ACOXL: variants seen among roughly 807,000 people sequenced by gnomAD.
The protein encoded by ACOXL is acyl-CoA oxidase like.
ACOXL carries 70 observed loss-of-function variants against 71.9 expected under a neutral mutation model. The ratio of observed to expected loss-of-function variants is 0.97; its 90% CI spans 0.80 to 1.19. ACOXL has a LOEUF of 1.19. Ranked by LOEUF, ACOXL falls within the 50% of genes most tolerant of loss-of-function variation. The pLI is 0.00. For missense variants in ACOXL, 703 were observed against 736.3 expected, an observed-to-expected ratio of 0.95 and a Z score of 0.52; for synonymous variants, 253 against 281.6, an observed-to-expected ratio of 0.90 and a Z score of 1.02.
chr2:110,846,792 G>A (rs1691941412), intron 10 of ACOXL, among the ~76,000 whole-genome samples: 1 of 151,802 alleles, frequency 6.6e-6, no homozygotes, highest in Admixed American at 6.6e-5. Context: ...TGTGTTGGGG[G>A]GGGTGTATGT....
At chr2:110,771,835 C>T (rs1003726463) in intron 2 of ACOXL, among the ~76,000 whole-genome samples, 2 of 152,194 alleles carry the variant, frequency 1.3e-5, no homozygotes, top group Non-Finnish European at 2.9e-5. Flanking sequence ...GGGGGAGTCA[C>T]CAACTGCCTC....
At chr2:111,012,309 G>A (rs965800165) in intron 14 of ACOXL, among the ~76,000 whole-genome samples, 7 of 152,182 alleles carry the variant, frequency 4.6e-5, no homozygotes, top group South Asian at 4.1e-4. Flanking sequence ...TAGACATAAC[G>A]TTATTGCACA....
intron 1 of ACOXL, among the ~76,000 whole-genome samples, chr2:110,767,569 C>T (rs1681254562): frequency 6.6e-6 from 1 of 152,160 alleles, no homozygotes; most frequent in Admixed American, 6.5e-5. Flanking sequence ...GATGAGCAGC[C>T]TCATGGTGAA....
At chr2:110,919,413 G>A (rs1237290192) in intron 11 of ACOXL, among the ~76,000 whole-genome samples, 1 of 151,742 alleles carries the variant, frequency 6.6e-6, no homozygotes, top group East Asian at 1.9e-4. Context: ...TTAGGGGGTG[G>A]GGGGGCAAGG....
chr2:110,770,118 AG>A (rs1023479345), intron 2 of ACOXL, among the ~76,000 whole-genome samples: 2 of 152,250 alleles, frequency 1.3e-5, no homozygotes, highest in Admixed American at 6.5e-5. Context: ...AGCCTGAACT[AG>A]GGTAGCTGCA....
At chr2:110,851,543 A>G (rs1692598583) in intron 10 of ACOXL, among the ~76,000 whole-genome samples, 1 of 152,198 alleles carries the variant, frequency 6.6e-6, no homozygotes, top group African/African-American at 2.4e-5. Context: ...TTCCACGACA[A>G]CACAGGTGCA....
At chr2:110,789,244 G>A (rs1684372306) in intron 3 of ACOXL, among the ~76,000 whole-genome samples, 1 of 152,192 alleles carries the variant, frequency 6.6e-6, no homozygotes, top group Non-Finnish European at 1.5e-5. Context: ...TAGCTTGTGA[G>A]CCAGCCCAAG....
intron 12 of ACOXL, among the ~76,000 whole-genome samples, chr2:110,986,858 A>C (rs12993549): frequency 0.39 from 59,267 of 151,912 alleles, 13,075 homozygotes; most frequent in African/African-American, 0.6. Context: ...TTAGAGACTG[A>C]TACAGGCAAG....
chr2:110,996,320 A>C (rs1382980704), intron 14 of ACOXL, among the ~76,000 whole-genome samples: 1 of 152,196 alleles, frequency 6.6e-6, no homozygotes, highest in Non-Finnish European at 1.5e-5. Context: ...GTGTATAAAG[A>C]GTACATCGTT....
chr2:111,007,732 T>C (rs1029607495), intron 14 of ACOXL, among the ~76,000 whole-genome samples: 1 of 152,220 alleles, frequency 6.6e-6, no homozygotes, highest in East Asian at 1.9e-4. Flanking sequence ...GTGTGCTCAT[T>C]GCTACTGAGT....
At chr2:110,919,353 C>T (rs993499652) in intron 11 of ACOXL, among the ~76,000 whole-genome samples, 1 of 121,244 alleles carries the variant, frequency 8.2e-6, no homozygotes, top group African/African-American at 3.1e-5. Flanking sequence ...GGGAGCTGAA[C>T]AATGAGAACA....
chr2:110,946,212 T>C (rs1413189261), intron 12 of ACOXL, among the ~76,000 whole-genome samples: 2 of 152,270 alleles, frequency 1.3e-5, no homozygotes, highest in African/African-American at 4.8e-5. Flanking sequence ...TAGATGCTAC[T>C]GATTTTTGTA....
intron 16 of ACOXL, among the ~76,000 whole-genome samples, chr2:111,075,227 CTTTTT>C (rs35457196): frequency 6.6e-6 from 1 of 151,630 alleles, no homozygotes; most frequent in African/African-American, 2.4e-5. Flanking sequence ...CTAGAGATTT[CTTTTT>C]TTTACAATCT....
intron 12 of ACOXL, among the ~76,000 whole-genome samples, chr2:110,978,726 C>A (rs142798964): frequency 5.9e-5 from 9 of 152,044 alleles, no homozygotes; most frequent in African/African-American, 1.4e-4. Flanking sequence ...CATTATAATT[C>A]GAAACAAATC....
At chr2:111,057,784 C>G (rs527481608) in intron 16 of ACOXL, among the ~76,000 whole-genome samples, 1 of 152,346 alleles carries the variant, frequency 6.6e-6, no homozygotes, top group South Asian at 2.1e-4. Context: ...AGCATATGAG[C>G]GCACAGATGG....
chr2:110,984,266 T>C (rs571044206), intron 12 of ACOXL, among the ~76,000 whole-genome samples: 56 of 152,228 alleles, frequency 3.7e-4, no homozygotes, highest in African/African-American at 1.3e-3. Flanking sequence ...ATTATATATA[T>C]ACACACACAC....
In ACOXL at chr2:110,760,208, C is replaced by T. The variant is rs187849886; in HGVS notation, c.-22-8160C>T. Among the ~76,000 whole-genome samples, 1,015 of 150,784 alleles carry T rather than the reference C, an allele frequency of 6.7e-3. 7 individuals carry two copies. The highest frequency in any genetic ancestry group is 7.8e-3 in the Non-Finnish European group (529 of 67,782). Reference sequence around the variant, plus strand: ...AGGCTGGAGTGCAGTGGTGCAATCTCGGCTCACTGCAAGCTCCACCTCTTG... The same window carrying T: ...AGGCTGGAGTGCAGTGGTGCAATCTTGGCTCACTGCAAGCTCCACCTCTTG... On this transcript the variant is annotated intron_variant, in intron 1 of 17. Coordinates refer to ENST00000439055, the MANE Select transcript of ACOXL (RefSeq NM_001142807.4).
intron 9 of ACOXL, among the ~76,000 whole-genome samples, chr2:110,824,952 A>T (rs1303471504): frequency 1.3e-5 from 2 of 152,182 alleles, no homozygotes; most frequent in Non-Finnish European, 2.9e-5. Context: ...TACTCTTCTG[A>T]AGAAAGTTGA....
intron 13 of ACOXL, among the ~76,000 whole-genome samples, chr2:110,989,784 G>C (rs571891261): frequency 6.6e-6 from 1 of 152,148 alleles, no homozygotes; most frequent in Non-Finnish European, 1.5e-5. Context: ...TGGCTTATGC[G>C]TGTATCAGCA....
Sources: gnomAD v4.1 joint callset for allele counts (sites outside exome capture counted in the v4.1 genomes callset) on GRCh38, gnomAD v4.1.1 for gene constraint, MANE v1.5 for transcripts, NCBI Gene and HGNC (gene_info 2026-07-23, HGNC 2026-07-21) for gene names.